GPC6: variants seen among roughly 807,000 people sequenced by gnomAD.
GPC6 encodes the protein glypican-6.
GPC6 carries 14 observed loss-of-function variants against 55.2 expected under a neutral mutation model. That is an observed-to-expected ratio of 0.25 (90% confidence interval 0.17 to 0.40). GPC6 has a LOEUF of 0.40. GPC6 is among the 10% of genes least tolerant of loss of function. GPC6 has a pLI of 1.00. For missense variants in GPC6, 641 were observed against 708.5 expected, an observed-to-expected ratio of 0.90 and a Z score of 1.08; for synonymous variants, 278 against 259.6, an observed-to-expected ratio of 1.07 and a Z score of -0.68.
At chr13:93,655,951 T>C (rs1003151348) in intron 2 of GPC6, among the ~76,000 whole-genome samples, 1 of 152,184 alleles carries the variant, frequency 6.6e-6, no homozygotes, top group African/African-American at 2.4e-5. Context: ...ATTTATTCTT[T>C]TGATAAAATA....
chr13:93,245,593 G>C (rs1876570956), intron 1 of GPC6, among the ~76,000 whole-genome samples: 1 of 152,204 alleles, frequency 6.6e-6, no homozygotes, highest in South Asian at 2.1e-4. Flanking sequence ...TGCTGATGTT[G>C]TTGGGTCAGG....
At chr13:93,386,070 T>C (rs546343241) in intron 1 of GPC6, among the ~76,000 whole-genome samples, 1 of 133,238 alleles carries the variant, frequency 7.5e-6, no homozygotes, top group South Asian at 2.4e-4. Flanking sequence ...TAATCTGGGA[T>C]ACAGGGGGAA....
intron 1 of GPC6, among the ~76,000 whole-genome samples, chr13:93,521,537 C>T (rs546924079): frequency 6.6e-6 from 1 of 152,094 alleles, no homozygotes; most frequent in East Asian, 1.9e-4. Flanking sequence ...ATTGCTTTTA[C>T]AGTTATCACT....
intron 1 of GPC6, among the ~76,000 whole-genome samples, chr13:93,375,066 T>A (rs1874829923): frequency 6.6e-6 from 1 of 152,228 alleles, no homozygotes; most frequent in African/African-American, 2.4e-5. Flanking sequence ...GTGCCACTTC[T>A]GTCTTTGAAA....
intron 1 of GPC6, among the ~76,000 whole-genome samples, chr13:93,476,521 T>G (rs1160922261): frequency 6.6e-6 from 1 of 152,128 alleles, no homozygotes; most frequent in Non-Finnish European, 1.5e-5. Context: ...TAAACACTAT[T>G]TACAAAAAAT....
intron 1 of GPC6, among the ~76,000 whole-genome samples, chr13:93,507,040 C>T (rs1387570694): frequency 1.1e-4 from 12 of 108,080 alleles, no homozygotes; most frequent in Admixed American, 6.1e-4. Flanking sequence ...ACAGCCTGGG[C>T]GACAGAGCGA....
intron 4 of GPC6, among the ~76,000 whole-genome samples, chr13:94,033,162 T>C (rs1013771470): frequency 6.6e-6 from 1 of 152,212 alleles, no homozygotes; most frequent in East Asian, 1.9e-4. Flanking sequence ...TCTTTTCTTT[T>C]AATGGAGGTA....
intron 4 of GPC6, among the ~76,000 whole-genome samples, chr13:94,050,722 GACA>G: frequency 6.6e-6 from 1 of 152,114 alleles, no homozygotes; most frequent in Admixed American, 6.5e-5. Flanking sequence ...AGGGAGATAG[GACA>G]GGAGAAGTAG....
At chr13:94,259,375 A>G (rs1017994465) in intron 4 of GPC6, among the ~76,000 whole-genome samples, 1 of 152,228 alleles carries the variant, frequency 6.6e-6, no homozygotes, top group African/African-American at 2.4e-5. Flanking sequence ...AACATGAAAG[A>G]TGGGGGAAAT....
chr13:94,398,582 T>C lies in GPC6; in HGVS notation c.1406T>C (p.Val469Ala). 2 of 1,614,142 alleles carry C rather than the reference T, an allele frequency of 1.2e-6. No individual in the cohort carries two copies. Among genetic ancestry groups the C allele is most frequent in the Non-Finnish European group, 1.7e-6 (2 of 1,179,968 alleles). The change falls in exon 8 of 9, where the codon GTG becomes GCG. Residue 469 changes from valine (V) to alanine (A), a missense_variant. By Grantham distance (64) the Val-to-Ala change is moderately conservative (BLOSUM62 0). Coordinates refer to ENST00000377047, the MANE Select transcript of GPC6 (RefSeq NM_005708.5). The part of the protein sequence containing the change: ...FIRQQIMALR[V>A]MTNKLKNAYN... The stretch of plus-strand genomic sequence containing the variant: ...AGACAGCAGATTATGGCTCTCCGTG[T>C]GATGACCAACAAACTAAAAAACGCC...
chr13:93,988,586 G>C (rs1468486143), intron 3 of GPC6, among the ~76,000 whole-genome samples: 1 of 152,104 alleles, frequency 6.6e-6, no homozygotes. Context: ...CATTTTAATA[G>C]ATGGGTTCTC....
intron 6 of GPC6, among the ~76,000 whole-genome samples, chr13:94,324,488 G>A (rs1877006709): frequency 6.6e-6 from 1 of 152,158 alleles, no homozygotes; most frequent in South Asian, 2.1e-4. Flanking sequence ...TAATTTAACT[G>A]TAAAATGATC....
chr13:94,112,762 A>G (rs1886296762), intron 4 of GPC6, among the ~76,000 whole-genome samples: 1 of 152,154 alleles, frequency 6.6e-6, no homozygotes. Flanking sequence ...CACTCTTCTT[A>G]TTAAAAGTGC....
chr13:94,394,283 G>C (rs944067348), intron 7 of GPC6, among the ~76,000 whole-genome samples: 1 of 152,170 alleles, frequency 6.6e-6, no homozygotes, highest in Non-Finnish European at 1.5e-5. Flanking sequence ...AGGGCAAGCC[G>C]CATTGGCAAA....
chr13:93,807,906 G>A (rs1886586496), intron 2 of GPC6, among the ~76,000 whole-genome samples: 1 of 152,158 alleles, frequency 6.6e-6, no homozygotes, highest in African/African-American at 2.4e-5. Context: ...CCATGACAAA[G>A]AGGTTTCTGG....
intron 4 of GPC6, among the ~76,000 whole-genome samples, chr13:94,088,547 AAG>A (rs1885366485): frequency 1.6e-4 from 1 of 6,350 alleles, no homozygotes; most frequent in South Asian, 0.015. Flanking sequence ...AAAGAGAGGG[AAG>A]GGAAGGGAAG....
At position 94,317,537 on chromosome 13, in the gene GPC6, A is replaced by G. The variant is rs117216339; in HGVS notation, c.1152+11414A>G. Among the ~76,000 whole-genome samples the G allele has an allele frequency of 4.9e-3, 740 of 152,344 alleles. 2 individuals carry two copies. The highest frequency in any genetic ancestry group is 7.3e-3 in the Non-Finnish European group (500 of 68,028). ...TAGTGCAAGACATGTCTGCACAAAA[A>G]TGTTTCCAGTTACTCAGGAAAATCA... On this transcript the variant is annotated intron_variant, in intron 6 of 8. Transcript: ENST00000377047.
chr13:93,891,402 A>G (rs2140318188), intron 3 of GPC6, among the ~76,000 whole-genome samples: 1 of 152,214 alleles, frequency 6.6e-6, no homozygotes, highest in Admixed American at 6.5e-5. Context: ...TTACCTTTAA[A>G]TTGGCTGTTA....
At chr13:93,825,860 C>CTTTTTTTTTTTTT (rs1029574657) in intron 2 of GPC6, among the ~76,000 whole-genome samples, 3 of 124,182 alleles carry the variant, frequency 2.4e-5, no homozygotes, top group Non-Finnish European at 5.0e-5. Flanking sequence ...TTATTATTTT[C>CTTTTTTTTTTTTT]TTTTTTTTTT....
Sources: gnomAD v4.1 joint callset for allele counts (sites outside exome capture counted in the v4.1 genomes callset) on GRCh38, gnomAD v4.1.1 for gene constraint, MANE v1.5 for transcripts, NCBI Gene and HGNC (gene_info 2026-07-23, HGNC 2026-07-21) for gene names.